The following SMYD3 variants were observed in gnomAD, a reference collection of about 807,000 sequenced individuals.
The protein encoded by SMYD3 is SET and MYND domain containing 3, also known as histone-lysine N-methyltransferase SMYD3.
Under a neutral mutation model 57.7 loss-of-function variants are expected in SMYD3, and 36 were observed. The ratio of observed to expected loss-of-function variants is 0.62; its 90% CI spans 0.48 to 0.82. The LOEUF (loss-of-function observed/expected upper bound fraction) is 0.82. Among genes scored for constraint, SMYD3 ranks in the 40% least tolerant of loss-of-function variants. SMYD3 has a pLI of 0.00. For synonymous variants in SMYD3, 211 were observed against 195.0 expected, an observed-to-expected ratio of 1.08 and a Z score of -0.68; for missense variants, 515 against 538.8, an observed-to-expected ratio of 0.96 and a Z score of 0.44.
At chr1:245,916,315 A>C (rs1175498392) in intron 7 of SMYD3, among the ~76,000 whole-genome samples, 4 of 152,294 alleles carry the variant, frequency 2.6e-5, no homozygotes, top group East Asian at 3.9e-4. Context: ...GGATATATTT[A>C]AAGGACTCCT....
At chr1:245,834,138 G>T (rs1254139687) in intron 10 of SMYD3, among the ~76,000 whole-genome samples, 1 of 152,184 alleles carries the variant, frequency 6.6e-6, no homozygotes, top group Non-Finnish European at 1.5e-5. Flanking sequence ...TGAGCCAGCT[G>T]AATCTGCTTT....
chr1:246,165,139 G>A (rs867697456), intron 5 of SMYD3, among the ~76,000 whole-genome samples: 16 of 152,328 alleles, frequency 1.1e-4, no homozygotes, highest in Middle Eastern at 3.4e-3. Context: ...TAGAGTATCC[G>A]GAGGATTGAG....
Position 246,348,077 on chromosome 1 carries a change from T to TATATATATACACACATACATAC in SMYD3, c.228+6953_228+6954insGTATGTATGTGTGTATATATAT. ...AGAAAACGTTATATATATATATATA[T>TATATATATACACACATACATAC]ACACACACACCATCAAATACTATGA... On this transcript the variant is annotated intron_variant, in intron 2 of 11. Transcript: ENST00000490107. Among the ~76,000 whole-genome samples, 14 of 86,508 alleles carry TATATATATACACACATACATAC rather than the reference T, an allele frequency of 1.6e-4. 1 individual carries two copies. The highest frequency in any genetic ancestry group is 4.8e-4 in the African/African-American group (12 of 25,020). 56.8% of individuals were successfully genotyped at this position (86,508 alleles called of 152,430 possible).
At chr1:246,351,180 T>C (rs1458970540) in intron 2 of SMYD3, among the ~76,000 whole-genome samples, 3 of 152,240 alleles carry the variant, frequency 2.0e-5, no homozygotes, top group Non-Finnish European at 4.4e-5. Flanking sequence ...AAGAGGTCTA[T>C]AATTATCAAT....
chr1:246,169,395 A>C lies in SMYD3; in HGVS notation c.531+157806T>G, dbSNP rs537255873. On this transcript the variant is annotated intron_variant, in intron 5 of 11. Coordinates refer to ENST00000490107, the MANE Select transcript of SMYD3 (RefSeq NM_001167740.2). Reference sequence around the variant, plus strand: ...AGACTTTCTTTCAAAAAAAAAAAAAAAAAAAAAAACCTCTAACAATATATG... The same window carrying C: ...AGACTTTCTTTCAAAAAAAAAAAAACAAAAAAAAACCTCTAACAATATATG... Among the ~76,000 whole-genome samples the C allele has an allele frequency of 6.0e-5, 9 of 149,000 alleles. No individual in the cohort carries two copies. In the East Asian group the frequency reaches 7.7e-4, roughly 13 times the overall value.
At chr1:245,798,592 CTTGGGCTCCATTCT>C (rs569861898) in intron 10 of SMYD3, among the ~76,000 whole-genome samples, 2 of 151,806 alleles carry the variant, frequency 1.3e-5, no homozygotes, top group African/African-American at 4.8e-5. Flanking sequence ...TTTCAAGAGC[CTTGGGCTCCATTCT>C]TTGTGATGCC....
chr1:246,363,196 G>A (rs1405490083), intron 1 of SMYD3, among the ~76,000 whole-genome samples: 6 of 150,326 alleles, frequency 4.0e-5, no homozygotes, highest in African/African-American at 7.4e-5. Flanking sequence ...CAGCCACCCC[G>A]TCTGGGAAGT....
At chr1:246,261,738 A>G (rs1420888487) in intron 5 of SMYD3, among the ~76,000 whole-genome samples, 1 of 152,074 alleles carries the variant, frequency 6.6e-6, no homozygotes, top group African/African-American at 2.4e-5. Context: ...GTTGCATAGA[A>G]GGAGAAATAT....
At chr1:246,443,547 A>T (rs1209410943) in intron 1 of SMYD3, among the ~76,000 whole-genome samples, 1 of 152,216 alleles carries the variant, frequency 6.6e-6, no homozygotes, top group African/African-American at 2.4e-5. Flanking sequence ...AATAAGTCCT[A>T]ACTCCTTTCC....
chr1:245,993,893 A>ATGTTTTTTTTT (rs1389622018), intron 5 of SMYD3, among the ~76,000 whole-genome samples: 1 of 152,206 alleles, frequency 6.6e-6, no homozygotes, highest in African/African-American at 2.4e-5. Flanking sequence ...TTAAATGGTC[A>ATGTTTTTTTTT]TTTTTATGTT....
intron 5 of SMYD3, among the ~76,000 whole-genome samples, chr1:246,083,751 C>G (rs1343569971): frequency 1.3e-5 from 2 of 152,096 alleles, no homozygotes; most frequent in African/African-American, 4.8e-5. Context: ...TCAGGTAAGT[C>G]AAAACTATGA....
intron 5 of SMYD3, among the ~76,000 whole-genome samples, chr1:246,064,439 T>C (rs2060306994): frequency 6.6e-6 from 1 of 152,196 alleles, no homozygotes; most frequent in Non-Finnish European, 1.5e-5. Context: ...GTCCTCTACC[T>C]AGAATGCATT....
chr1:246,474,549 A>G (rs967056341), intron 1 of SMYD3, among the ~76,000 whole-genome samples: 2 of 149,562 alleles, frequency 1.3e-5, no homozygotes, highest in African/African-American at 4.9e-5. Flanking sequence ...AAAGAAATGC[A>G]GGAGTAATGA....
intron 8 of SMYD3, among the ~76,000 whole-genome samples, chr1:245,874,153 C>T (rs570838605): frequency 7.0e-4 from 107 of 152,280 alleles, no homozygotes; most frequent in African/African-American, 2.4e-3. Context: ...TAAACAACCC[C>T]AGCCATAGCA....
intron 11 of SMYD3, among the ~76,000 whole-genome samples, chr1:245,754,383 T>C (rs1035671236): frequency 6.6e-6 from 1 of 151,898 alleles, no homozygotes; most frequent in African/African-American, 2.4e-5. Context: ...GGAAAAGAAA[T>C]GTATGCATGA....
chr1:245,839,369 C>T (rs541868525), intron 10 of SMYD3, among the ~76,000 whole-genome samples: 5 of 152,076 alleles, frequency 3.3e-5, no homozygotes, highest in East Asian at 1.9e-4. Flanking sequence ...CGGGGTTTCA[C>T]CGTGTTAGCC....
At chr1:245,954,698 C>T (rs1320015366) in intron 5 of SMYD3, among the ~76,000 whole-genome samples, 1 of 152,158 alleles carries the variant, frequency 6.6e-6, no homozygotes. Flanking sequence ...AATTTTAAAA[C>T]AGTGGTAGTT....
intron 5 of SMYD3, among the ~76,000 whole-genome samples, chr1:246,270,235 T>A (rs1182008465): frequency 6.6e-6 from 1 of 152,202 alleles, no homozygotes; most frequent in Non-Finnish European, 1.5e-5. Flanking sequence ...TGCATTTACA[T>A]CAAACCATTC....
intron 1 of SMYD3, among the ~76,000 whole-genome samples, chr1:246,362,811 A>G (rs2066018945): frequency 2.0e-5 from 3 of 152,110 alleles, no homozygotes; most frequent in Admixed American, 1.3e-4. Flanking sequence ...TCGGCTCGCT[A>G]CAACCTCCAC....
Sources: gnomAD v4.1 joint callset for allele counts (sites outside exome capture counted in the v4.1 genomes callset) on GRCh38, gnomAD v4.1.1 for gene constraint, MANE v1.5 for transcripts, NCBI Gene and HGNC (gene_info 2026-07-23, HGNC 2026-07-21) for gene names.